The following SLC25A21 variants were observed in gnomAD, a reference collection of about 807,000 sequenced individuals.
The protein encoded by SLC25A21 is solute carrier family 25 member 21.
In SLC25A21, 47 loss-of-function variants were observed where a neutral mutation model predicts 43.8. The observed-to-expected ratio is 1.07, with a 90% CI of 0.85 to 1.37. The LOEUF (loss-of-function observed/expected upper bound fraction) is 1.37, where lower values mean the gene tolerates loss of function less well. SLC25A21 is among the 40% of genes most tolerant of loss of function. The probability of loss-of-function intolerance (pLI) is 0.00; values close to 1 mark genes in which losing one functional copy is unlikely to be tolerated. For synonymous variants in SLC25A21, 131 were observed against 121.3 expected (o/e 1.08, Z -0.52); for missense variants, 352 against 350.2 (o/e 1.00, Z -0.04).
chr14:37,117,533 A>T (rs1963127286), intron 1 of SLC25A21, among the ~76,000 whole-genome samples: 1 of 152,198 alleles, frequency 6.6e-6, no homozygotes, highest in South Asian at 2.1e-4. Context: ...TTAGATGTGT[A>T]GAAATGAGAA....
At chr14:37,105,018 G>A (rs758572577) in intron 1 of SLC25A21, among the ~76,000 whole-genome samples, 3 of 152,162 alleles carry the variant, frequency 2.0e-5, no homozygotes, top group African/African-American at 7.2e-5. Context: ...CATTTCCAGA[G>A]GTGCTGATTC....
chr14:37,085,099 G>T (rs2138843057), intron 1 of SLC25A21, among the ~76,000 whole-genome samples: 1 of 152,120 alleles, frequency 6.6e-6, no homozygotes, highest in East Asian at 1.9e-4. Context: ...GTGGAGAGGG[G>T]TGTTAACAAT....
intron 2 of SLC25A21, among the ~76,000 whole-genome samples, chr14:36,868,027 C>T (rs1204600734): frequency 6.6e-6 from 1 of 151,604 alleles, no homozygotes; most frequent in Admixed American, 6.6e-5. Context: ...CTTGAAGCTG[C>T]CAAGGCTATC....
intron 3 of SLC25A21, among the ~76,000 whole-genome samples, chr14:36,789,929 AT>A (rs1328239057): frequency 1.6e-5 from 2 of 125,848 alleles, no homozygotes; most frequent in African/African-American, 6.1e-5. Context: ...ATATTTATAT[AT>A]TATATATAAA....
chr14:37,099,091 C>A (rs1321870215), intron 1 of SLC25A21, among the ~76,000 whole-genome samples: 1 of 152,144 alleles, frequency 6.6e-6, no homozygotes, highest in Non-Finnish European at 1.5e-5. Flanking sequence ...ACATAAGCCA[C>A]CATGCCCAGC....
chr14:37,163,590 T>G (rs891319167), intron 1 of SLC25A21, among the ~76,000 whole-genome samples: 1 of 151,932 alleles, frequency 6.6e-6, no homozygotes, highest in Non-Finnish European at 1.5e-5. Context: ...GTAAGAAAAA[T>G]CGATCAAAAT....
At chr14:36,875,082 G>A (rs936684058) in intron 1 of SLC25A21, 78 bp from the exon 2 acceptor site, 7 of 1,164,832 alleles carry the variant, frequency 6.0e-6, no homozygotes, top group East Asian at 2.4e-5. Context: ...TCGATTTCTC[G>A]AGTGTGAGGG....
rs913425066 is a variant in SLC25A21, at chr14:37,028,721, C to T, written c.70+143560G>A. On this transcript the variant is annotated intron_variant, in intron 1 of 9. Transcript: ENST00000331299. ...TAGGATAACGTTTCTTCAATGGTGA[C>T]ATCTTTAGAGCATTTTTTAATGCAC... Among the ~76,000 whole-genome samples the T allele has an allele frequency of 6.9e-4, 105 of 152,128 alleles. 1 individual carries two copies. The highest frequency in any genetic ancestry group is 1.9e-4 in the Non-Finnish European group (13 of 68,024).
intron 1 of SLC25A21, among the ~76,000 whole-genome samples, chr14:36,996,287 T>C (rs529565516): frequency 1.3e-5 from 2 of 152,318 alleles, no homozygotes; most frequent in East Asian, 3.9e-4. Context: ...TTGATCATAG[T>C]ATCTAAGTCA....
chr14:36,706,023 A>G (rs1339131608), intron 7 of SLC25A21, among the ~76,000 whole-genome samples: 1 of 152,334 alleles, frequency 6.6e-6, no homozygotes, highest in Non-Finnish European at 1.5e-5. Flanking sequence ...TATGTTTTAA[A>G]TTTAAAGAAT....
At chr14:36,796,273 G>A (rs1887665337) in intron 3 of SLC25A21, among the ~76,000 whole-genome samples, 1 of 151,920 alleles carries the variant, frequency 6.6e-6, no homozygotes, top group Non-Finnish European at 1.5e-5. Context: ...ATGCAGAAAG[G>A]AATTAAGAAT....
chr14:37,077,466 C>T (rs1031072729), intron 1 of SLC25A21, among the ~76,000 whole-genome samples: 3 of 151,992 alleles, frequency 2.0e-5, no homozygotes, highest in African/African-American at 7.3e-5. Flanking sequence ...CAACCTATGA[C>T]TACATGAAAA....
intron 1 of SLC25A21, among the ~76,000 whole-genome samples, chr14:37,108,104 TTGTTC>T (rs1268480555): frequency 1.3e-5 from 2 of 152,226 alleles, no homozygotes; most frequent in Non-Finnish European, 2.9e-5. Flanking sequence ...ATGCTAATGT[TTGTTC>T]TCTTTTTGCC....
At chr14:36,911,515 G>A (rs747871938) in intron 1 of SLC25A21, among the ~76,000 whole-genome samples, 4 of 152,128 alleles carry the variant, frequency 2.6e-5, no homozygotes, top group African/African-American at 7.2e-5. Flanking sequence ...ACAACAGGAC[G>A]TTAGTATGTG....
intron 3 of SLC25A21, chr14:36,788,752 T>C (rs1446859573): frequency 6.6e-6 from 1 of 152,090 alleles, no homozygotes; most frequent in East Asian, 1.9e-4. Flanking sequence ...TGCTGTTATC[T>C]ATCTGTCTTC....
At chr14:36,757,987 A>T (rs1885998316) in intron 3 of SLC25A21, among the ~76,000 whole-genome samples, 1 of 152,238 alleles carries the variant, frequency 6.6e-6, no homozygotes, top group Non-Finnish European at 1.5e-5. Flanking sequence ...CCGCAAGAGG[A>T]TGGAGATTAA....
At chr14:36,862,631 A>G (rs1026956129) in intron 2 of SLC25A21, among the ~76,000 whole-genome samples, 74 of 93,118 alleles carry the variant, frequency 7.9e-4, no homozygotes, top group East Asian at 2.0e-3. Context: ...CTAGGGGAGG[A>G]ATAGCATTAG....
chr14:36,730,812 T>C lies in SLC25A21; in HGVS notation c.271-1246A>G, dbSNP rs146059905. On this transcript the variant is annotated intron_variant, in intron 4 of 9. Coordinates refer to ENST00000331299, the MANE Select transcript of SLC25A21 (RefSeq NM_030631.4). Reference sequence around the variant, plus strand: ...GCAACAGTAAACAAAGAGAAACCTCTGCCTACTTGAGCTAACATTCTAGTG... The same window carrying C: ...GCAACAGTAAACAAAGAGAAACCTCCGCCTACTTGAGCTAACATTCTAGTG... Among the ~76,000 whole-genome samples the C allele has an allele frequency of 1.6e-4, 24 of 152,298 alleles. No individual in the cohort carries two copies. In the East Asian group the frequency reaches 4.4e-3, roughly 28 times the overall value.
intron 5 of SLC25A21, among the ~76,000 whole-genome samples, chr14:36,729,209 T>C (rs1336260747): frequency 1.3e-5 from 2 of 152,254 alleles, no homozygotes; most frequent in Non-Finnish European, 2.9e-5. Flanking sequence ...TGTAAATACA[T>C]GCATGTCTTG....
Sources: allele counts gnomAD v4.1 joint callset (sites outside exome capture counted in the v4.1 genomes callset), GRCh38; gene constraint gnomAD v4.1.1; transcripts MANE v1.5; gene names NCBI Gene and HGNC (gene_info 2026-07-23, HGNC 2026-07-21).